The following PCDHGB1 variants were observed in gnomAD, a reference collection of about 807,000 sequenced individuals.
The protein encoded by PCDHGB1 is protocadherin gamma-B1.
A neutral mutation model predicts 56.6 loss-of-function variants in PCDHGB1; 34 were observed. That is an observed-to-expected ratio of 0.60 (90% CI 0.46 to 0.80). The LOEUF (loss-of-function observed/expected upper bound fraction) is 0.80, where lower values mean the gene tolerates loss of function less well. PCDHGB1 is among the 30% of genes least tolerant of loss of function. The probability of loss-of-function intolerance (pLI) is 0.00; values close to 1 mark genes in which losing one functional copy is unlikely to be tolerated. For synonymous variants in PCDHGB1, 561 were observed against 505.9 expected, an observed-to-expected ratio of 1.11 and a Z score of -1.46; for missense variants, 1,278 against 1,204.6, an observed-to-expected ratio of 1.06 and a Z score of -0.90.
chr5:141,506,870 G>A (rs2099856877), intron 3 of PCDHGB1, among the ~76,000 whole-genome samples: 1 of 152,166 alleles, frequency 6.6e-6, no homozygotes, highest in East Asian at 1.9e-4. Flanking sequence ...GGTGGGTAGA[G>A]AACCAGGTGA....
rs193144866 is a variant in PCDHGB1 at position 141,382,042 on chromosome 5, T to C, written c.2409+29373T>C. ...CGGGGTTTCTCCATGTTGGTCAGGC[T>C]GGTCTCAAGCTCCCGACCTCAGGTG... On this transcript the variant is annotated intron_variant, in intron 1 of 3. Coordinates refer to ENST00000523390, the MANE Select transcript of PCDHGB1 (RefSeq NM_018922.3). 9.8e-3 allele frequency among the ~76,000 whole-genome samples: 1,492 copies of C among 152,104 alleles called. 23 individuals carry two copies. Among genetic ancestry groups the C allele is most frequent in the African/African-American group, 0.034 (1,390 of 41,456 alleles).
rs759706919 is a variant in PCDHGB1 at position 141,374,098 on chromosome 5, G to C, written c.2409+21429G>C. 20 of 1,561,062 alleles carry C rather than the reference G, an allele frequency of 1.3e-5. No homozygotes were observed. The South Asian group carries it at 2.1e-4, about 17-fold the overall frequency. ...ATAAGCCAGTAATGGCGCCTCCGCA[G>C]AGGCATCCGCAGCGCAGCGAGCAGG... On this transcript the variant is annotated intron_variant, in intron 1 of 3. Transcript: ENST00000523390.
At chr5:141,364,587 C>T in intron 1 of PCDHGB1, 3 of 1,614,204 alleles carry the variant, frequency 1.9e-6, no homozygotes, top group Non-Finnish European at 2.5e-6. Flanking sequence ...AGCTTGGTCA[C>T]CGCGGGCAGG....
chr5:141,419,122 C>T (rs1418298635), intron 1 of PCDHGB1: 2 of 1,613,862 alleles, frequency 1.2e-6, no homozygotes, highest in African/African-American at 1.3e-5. Flanking sequence ...ACAACGTCAC[C>T]ATCGCAGCCA....
At chr5:141,375,606 A>G (rs1187736346) in intron 1 of PCDHGB1, 3 of 1,613,806 alleles carry the variant, frequency 1.9e-6, no homozygotes, top group South Asian at 1.1e-5. Context: ...GTGTCCATCA[A>G]CTCCGACACT....
At position 141,356,613 on chromosome 5, in the gene PCDHGB1, C is replaced by T. The variant is rs756162558; in HGVS notation, c.2409+3944C>T. On this transcript the variant is annotated intron_variant, in intron 1 of 3. Transcript: ENST00000523390. ...AAAACAACCCCAGAGGAGCCTCCAT[C>T]TTATCTATGACTGCTCAAGACCCTG... is the stretch of plus-strand genomic sequence containing the variant. 5 of 1,614,220 alleles carry T rather than the reference C, an allele frequency of 3.1e-6. No homozygotes were observed. In the Admixed American group the frequency reaches 6.7e-5, roughly 22 times the overall value.
chr5:141,410,843 C>CTTTTTAT, intron 1 of PCDHGB1: 1 of 216,280 alleles, frequency 4.6e-6, no homozygotes. Context: ...GATATTTTGT[C>CTTTTTAT]TTTGTCTTTT....
At chr5:141,421,894 C>A in intron 1 of PCDHGB1, 3 of 1,613,704 alleles carry the variant, frequency 1.9e-6, no homozygotes, top group Non-Finnish European at 2.5e-6. Context: ...CGATCCCATC[C>A]GAAAGGGCGC....
intron 2 of PCDHGB1, among the ~76,000 whole-genome samples, chr5:141,504,351 G>C (rs77439649): frequency 0.021 from 3,233 of 152,120 alleles, 109 homozygotes; most frequent in African/African-American, 0.075. Context: ...CTTTGTGCTA[G>C]GTGCTTCAGT....
intron 1 of PCDHGB1, chr5:141,378,052 C>A (rs75561194): frequency 5.8e-4 from 88 of 152,282 alleles, no homozygotes; most frequent in African/African-American, 2.0e-3. Context: ...CCTTATCTAT[C>A]TGACTCAAAT....
At chr5:141,421,363 G>T (rs749916401) in intron 1 of PCDHGB1, 2 of 1,613,898 alleles carry the variant, frequency 1.2e-6, no homozygotes, top group South Asian at 2.2e-5. Flanking sequence ...GGGCTCCTTC[G>T]TGGGCAATAT....
intron 1 of PCDHGB1, chr5:141,418,650 T>A (rs764145825): frequency 5.0e-6 from 8 of 1,613,898 alleles, no homozygotes; most frequent in South Asian, 2.2e-5. Flanking sequence ...ATCCTGAGAG[T>A]GAAGGCCACT....
chr5:141,383,838 C>T, intron 1 of PCDHGB1: 1 of 1,613,892 alleles, frequency 6.2e-7, no homozygotes, highest in East Asian at 2.2e-5. Flanking sequence ...AAGAAACTGC[C>T]TTCTATGAAA....
At chr5:141,413,450 G>T (rs2095642221) in intron 1 of PCDHGB1, 1 of 1,614,148 alleles carries the variant, frequency 6.2e-7, no homozygotes, top group Non-Finnish European at 8.5e-7. Context: ...ATCACCGCGG[G>T]CAGGATAGAC....
chr5:141,414,849 C>G (rs10038103), intron 1 of PCDHGB1: 1 of 1,614,134 alleles, frequency 6.2e-7, no homozygotes, highest in African/African-American at 1.3e-5. Flanking sequence ...TTGTGCTGGA[C>G]CAGAACGACA....
rs747746357 is a variant in PCDHGB1, at chr5:141,352,135, G to T, written c.1875G>T (p.Ala625=). The T allele has an allele frequency of 3.7e-6, 6 of 1,611,118 alleles. No individual in the cohort carries two copies. The Admixed American group carries it at 8.4e-5, about 22-fold the overall frequency. The part of the protein sequence containing the change: ...LGLRTGEVRT[A]RALGDRDAAR... ...TGCGCACGGGTGAGGTGCGCACAGCGCGTGCCTTGGGCGACAGGGACGCGG... is the reference window on the plus strand; with the variant it reads ...TGCGCACGGGTGAGGTGCGCACAGCTCGTGCCTTGGGCGACAGGGACGCGG... The change falls in exon 1 of 4, where the codon GCG becomes GCT. Residue 625 remains alanine, a synonymous_variant. Coordinates refer to ENST00000523390, the MANE Select transcript of PCDHGB1 (RefSeq NM_018922.3).
intron 1 of PCDHGB1, chr5:141,360,463 G>A (rs1405122386): frequency 6.2e-7 from 1 of 1,613,904 alleles, no homozygotes; most frequent in South Asian, 1.1e-5. Flanking sequence ...CGATACTGTC[G>A]CTGAAAATCC....
chr5:141,488,711 A>G (rs184498001), intron 1 of PCDHGB1, among the ~76,000 whole-genome samples: 100 of 152,290 alleles, frequency 6.6e-4, no homozygotes, highest in Non-Finnish European at 1.2e-3. Context: ...TGCTGGTTCA[A>G]GCAAAGTGGT....
rs1271891195 is a variant in PCDHGB1, at chr5:141,477,108, C to A, written c.2410-17699C>A. The A allele has an allele frequency of 2.5e-6, 4 of 1,614,232 alleles. No individual in the cohort carries two copies. Among genetic ancestry groups the A allele is most frequent in the Non-Finnish European group, 2.5e-6 (3 of 1,180,046 alleles). ...CAGGCCAAAGACAAGGGCGCCAATCCCGAAGGAGCACATTGCAAAGTGTTG... is the reference window on the plus strand; with the variant it reads ...CAGGCCAAAGACAAGGGCGCCAATCACGAAGGAGCACATTGCAAAGTGTTG... On this transcript the variant is annotated intron_variant, in intron 1 of 3. Coordinates refer to ENST00000523390, the MANE Select transcript of PCDHGB1 (RefSeq NM_018922.3). The surrounding 1 kb of genome is among the most constrained non-coding windows in gnomAD (Gnocchi z 4.9).
Sources: allele counts gnomAD v4.1 joint callset (sites outside exome capture counted in the v4.1 genomes callset), GRCh38; gene constraint gnomAD v4.1.1; non-coding constraint Gnocchi (gnomAD v3.1); transcripts MANE v1.5; gene names NCBI Gene and HGNC (gene_info 2026-07-23, HGNC 2026-07-21).